Variants in CSK observed in about 807,000 individuals in gnomAD.
The protein encoded by CSK is C-terminal Src kinase.
Under a neutral mutation model 62.3 loss-of-function variants are expected in CSK, and 7 were observed. The ratio of observed to expected loss-of-function variants is 0.11; its 90% confidence interval spans 0.06 to 0.21. CSK has a LOEUF of 0.21. Ranked by LOEUF, CSK falls within the 10% of genes least tolerant of loss-of-function variation. CSK has a pLI of 1.00. For synonymous variants in CSK, 237 were observed against 246.0 expected, an observed-to-expected ratio of 0.96 and a Z score of 0.34; for missense variants, 294 against 613.5, an observed-to-expected ratio of 0.48 and a Z score of 5.50.
At chr15:74,788,049 G>C (rs34504035) in intron 1 of CSK, among the ~76,000 whole-genome samples, 63 of 152,234 alleles carry the variant, frequency 4.1e-4, no homozygotes. Context: ...GGGGCTCTGC[G>C]TGGGCTGGGG....
At position 74,801,557 on chromosome 15, in the gene CSK, G is replaced by A. The variant is rs143495597; in HGVS notation, c.849G>A (p.Arg283=). 69 of 1,613,922 alleles carry A rather than the reference G, an allele frequency of 4.3e-5. 2 individuals carry two copies. In the South Asian group the frequency reaches 6.8e-4, roughly 16 times the overall value. ...TGGACTACCTGCGGTCTAGGGGTCG[G>A]TCAGTGCTGGGCGGAGACTGTCTCC... ...SLVDYLRSRG[R]SVLGGDCLLK... The change falls in exon 10 of 13, where the codon CGG becomes CGA. Residue 283 remains arginine (R), a synonymous_variant. Transcript: ENST00000220003.
chr15:74,802,352 C>A lies in CSK; in HGVS notation c.1192C>A (p.Arg398=). The A allele has an allele frequency of 1.2e-6, 2 of 1,603,030 alleles. No individual in the cohort carries two copies. The highest frequency in any genetic ancestry group is 1.7e-6 in the Non-Finnish European group (2 of 1,176,690). The change falls in exon 13 of 13, where the codon CGG becomes AGG. Residue 398 remains arginine, a synonymous_variant. Transcript: ENST00000220003. ...ACAGCCCCTGAAGGACGTCGTCCCT[C>A]GGGTGGAGAAGGGCTACAAGATGGA... ...PRIPLKDVVP[R]VEKGYKMDAP...
Position 74,802,502 on chromosome 15 carries a change from C to G in CSK, c.1342C>G (p.Leu448Val). The G allele has an allele frequency of 6.2e-7, 1 of 1,611,298 alleles. No individual in the cohort carries two copies. The highest frequency in any genetic ancestry group is 8.5e-7 in the Non-Finnish European group (1 of 1,179,326). ...GCTTGAGCACATCAAAACCCACGAG[C>G]TGCACCTGTGACGGCTGGCCTCCGC... Reference protein sequence around the residue: ...EQLEHIKTHELHL With the variant: ...EQLEHIKTHEVHL Residue 448 changes from leucine to valine, a missense_variant, in exon 13 of 13, where the codon CTG (leucine) becomes GTG (valine). Physicochemically the swap from Leu to Val is conservative, Grantham distance 32 (BLOSUM62 1). Transcript: ENST00000220003.
rs911386819 is a variant in CSK at position 74,782,152 on chromosome 15, GGCC to G, written c.-620_-618del. 6.7e-5 allele frequency: 10 copies of G among 148,812 alleles called. No individual in the cohort carries two copies. The highest frequency in any genetic ancestry group is 1.9e-4 in the East Asian group (1 of 5,134). The allele number at this position is 148,812 out of a possible 1,614,324, so 9.2% of individuals were successfully genotyped here. On this transcript the variant is annotated 5_prime_UTR_variant, in exon 1 of 13. Coordinates refer to ENST00000220003, the MANE Select transcript of CSK (RefSeq NM_004383.3). This position sits in a 1 kb window ranked among gnomAD's most constrained non-coding sequence, Gnocchi z 5.7. The stretch of plus-strand genomic sequence containing the variant: ...GCGGAGCCCTGGGCGAGCCGAGGTT[GGCC>G]GCCGCCGCCGCCGAGCCCGCTGCCG...
intron 9 of CSK, 30 bp from the exon 10 acceptor site, chr15:74,801,492 C>T: frequency 6.3e-7 from 1 of 1,599,104 alleles, no homozygotes; most frequent in Non-Finnish European, 8.5e-7. Flanking sequence ...CACGTCTGAC[C>T]TCGGCCTGGT....
chr15:74,791,839 G>C (rs1457148226), intron 1 of CSK, among the ~76,000 whole-genome samples: 1 of 152,236 alleles, frequency 6.6e-6, no homozygotes. Context: ...TCCTCCAGGA[G>C]GCACTTAGTG....
At position 74,801,540 on chromosome 15, in the gene CSK, C is replaced by T; in HGVS notation, c.832C>T (p.Leu278=). Residue 278 remains leucine, a synonymous_variant, in exon 10 of 13, where the codon CTG becomes TTG. Transcript: ENST00000220003. ...YMAKGSLVDY[L]RSRGRSVLGG... ...CCCCCAGGGGAGCCTTGTGGACTAC[C>T]TGCGGTCTAGGGGTCGGTCAGTGCT... 6.2e-7 allele frequency: 1 copy of T among 1,613,632 alleles called. No homozygotes were observed. The highest frequency in any genetic ancestry group is 1.1e-5 in the South Asian group (1 of 91,024).
At chr15:74,791,855 G>A (rs533599518) in intron 1 of CSK, among the ~76,000 whole-genome samples, 33 of 152,312 alleles carry the variant, frequency 2.2e-4, no homozygotes, top group South Asian at 4.1e-4. Flanking sequence ...TAGTGTCCAT[G>A]CGTCACCTTG....
chr15:74,796,170 G>A (rs181006490), intron 1 of CSK, among the ~76,000 whole-genome samples: 2 of 152,136 alleles, frequency 1.3e-5, no homozygotes, highest in African/African-American at 4.8e-5. Context: ...GCAGTAAGCC[G>A]TGAGTCACCC....
chr15:74,786,118 C>T (rs932083290), intron 1 of CSK, among the ~76,000 whole-genome samples: 1 of 150,854 alleles, frequency 6.6e-6, no homozygotes, highest in Non-Finnish European at 1.5e-5. Flanking sequence ...CTCCGGCTCC[C>T]GGTTTAAGCG....
chr15:74,800,530 C>T (rs1200801233), intron 6 of CSK, 25 bp downstream of exon 6: 1 of 1,604,872 alleles, frequency 6.2e-7, no homozygotes, highest in Admixed American at 1.7e-5. Flanking sequence ...CCCCAGACCT[C>T]TTGCCCACCC....
rs202236681 is a variant in CSK, at chr15:74,802,368, A to T, written c.1208A>T (p.Tyr403Phe). 1 of 1,610,112 alleles carries T rather than the reference A, an allele frequency of 6.2e-7. No homozygotes were observed. The highest frequency in any genetic ancestry group is 1.3e-5 in the African/African-American group (1 of 74,864). Reference protein sequence around the residue: ...KDVVPRVEKGYKMDAPDGCPP... With the variant: ...KDVVPRVEKGFKMDAPDGCPP... ...GTCGTCCCTCGGGTGGAGAAGGGCTACAAGATGGATGCCCCCGACGGCTGC... is the reference window on the plus strand; with the variant it reads ...GTCGTCCCTCGGGTGGAGAAGGGCTTCAAGATGGATGCCCCCGACGGCTGC... Residue 403 changes from tyrosine (Y) to phenylalanine (F), a missense_variant, in exon 13 of 13, where the codon TAC (tyrosine) becomes TTC (phenylalanine). Coordinates refer to ENST00000220003, the MANE Select transcript of CSK (RefSeq NM_004383.3).
chr15:74,796,680 C>G (rs889382045), intron 1 of CSK, among the ~76,000 whole-genome samples: 3 of 151,938 alleles, frequency 2.0e-5, no homozygotes, highest in Non-Finnish European at 2.9e-5. Flanking sequence ...CAAGTGTGCA[C>G]TATACACCAA....
In CSK at chr15:74,798,226, C is replaced by T. The variant is rs2063735539; in HGVS notation, c.-65-7C>T. The T allele has an allele frequency of 6.7e-7, 1 of 1,503,066 alleles. No individual in the cohort carries two copies. Among genetic ancestry groups the T allele is most frequent in the East Asian group, 2.3e-5 (1 of 43,804 alleles). 93.1% of individuals were successfully genotyped at this position (1,503,066 alleles called of 1,614,324 possible). ...CCCCTCCTCAGTCTTCATGCTCTTC[C>T]CCACAGCTCTAATGGTACCAAGTGA... On this transcript the variant is annotated splice_polypyrimidine_tract_variant and splice_region_variant and intron_variant, in intron 1 of 12. Coordinates refer to ENST00000220003, the MANE Select transcript of CSK (RefSeq NM_004383.3). The surrounding 1 kb of genome is among the most constrained non-coding windows in gnomAD (Gnocchi z 6.6).
rs1278153143 is a variant in CSK, at chr15:74,798,815, C to T, written c.130-11C>T. 4.4e-6 allele frequency: 7 copies of T among 1,602,874 alleles called. No individual in the cohort carries two copies. In the East Asian group the frequency reaches 1.1e-4, roughly 26 times the overall value. On this transcript the variant is annotated splice_polypyrimidine_tract_variant and intron_variant, in intron 3 of 12. Transcript: ENST00000220003. The surrounding 1 kb of genome is among the most constrained non-coding windows in gnomAD (Gnocchi z 6.6). The stretch of plus-strand genomic sequence containing the variant: ...GGGCCTGAGAGCATGTCTGGGCTGC[C>T]CTCTCCCCAGGACCCCAACTGGTAC...
intron 1 of CSK, among the ~76,000 whole-genome samples, chr15:74,789,016 G>A (rs767599767): frequency 2.6e-5 from 4 of 152,184 alleles, no homozygotes; most frequent in Non-Finnish European, 5.9e-5. Context: ...GCCTCAAGCC[G>A]CAGCGGTGCC....
At chr15:74,784,078 G>A (rs2063480332) in intron 1 of CSK, among the ~76,000 whole-genome samples, 1 of 152,238 alleles carries the variant, frequency 6.6e-6, no homozygotes, top group African/African-American at 2.4e-5. Flanking sequence ...GCAGGGGTGA[G>A]GTTGAGGCCT....
Position 74,802,017 on chromosome 15 carries a change from C to T in CSK, c.1104C>T (p.Asp368=), listed in dbSNP as rs1485759565. 5.6e-6 allele frequency: 9 copies of T among 1,614,064 alleles called. No individual in the cohort carries two copies. Among genetic ancestry groups the T allele is most frequent in the East Asian group, 2.2e-5 (1 of 44,888 alleles). ...GGCAGAAATTCTCCACTAAGTCTGA[C>T]GTGTGGAGTTTCGGAATCCTTCTCT... ...LREKKFSTKS[D]VWSFGILLWE... is the part of the protein sequence containing the mutation. The change falls in exon 12 of 13, where the codon GAC becomes GAT. Residue 368 remains aspartate (D), a synonymous_variant. Transcript: ENST00000220003.
At chr15:74,786,132 C>A (rs1415295976) in intron 1 of CSK, among the ~76,000 whole-genome samples, 1 of 151,474 alleles carries the variant, frequency 6.6e-6, no homozygotes, top group African/African-American at 2.4e-5. Flanking sequence ...TTAAGCGATT[C>A]TCCTGCCTCA....
Sources: allele counts gnomAD v4.1 joint callset (sites outside exome capture counted in the v4.1 genomes callset), GRCh38; gene constraint gnomAD v4.1.1; non-coding constraint Gnocchi (gnomAD v3.1); transcripts MANE v1.5; gene names NCBI Gene and HGNC (gene_info 2026-07-23, HGNC 2026-07-21).